Variants in HMGCLL1 observed in about 807,000 individuals in gnomAD.
The protein encoded by HMGCLL1 is 3-hydroxy-3-methylglutaryl-CoA lyase like 1.
A neutral mutation model predicts 39.1 loss-of-function variants in HMGCLL1; 36 were observed. The ratio of observed to expected loss-of-function variants is 0.92; its 90% confidence interval spans 0.71 to 1.22. HMGCLL1 has a LOEUF of 1.22. Ranked by LOEUF, HMGCLL1 falls within the 50% of genes most tolerant of loss-of-function variation. The pLI is 0.00. For missense variants in HMGCLL1, 451 were observed against 416.5 expected (o/e 1.08, Z -0.72); for synonymous variants, 149 against 144.0 (o/e 1.03, Z -0.25).
chr6:55,587,014 A>T, the HMGCLL1 span, among the ~76,000 whole-genome samples: 2 of 152,132 alleles, frequency 1.3e-5, no homozygotes, highest in African/African-American at 4.8e-5. Flanking sequence ...TCCCACCAAC[A>T]GTGTAAAAGT....
intron 7 of HMGCLL1, among the ~76,000 whole-genome samples, chr6:55,451,071 G>C (rs1279383106): frequency 6.6e-6 from 1 of 152,088 alleles, no homozygotes; most frequent in Non-Finnish European, 1.5e-5. Flanking sequence ...AGTCTTCAGT[G>C]TGTGCACAAA....
At chr6:55,604,664 T>A in the HMGCLL1 span, among the ~76,000 whole-genome samples, 1 of 152,104 alleles carries the variant, frequency 6.6e-6, no homozygotes. Flanking sequence ...TTAAAAAGTT[T>A]TTGCATTAAT....
At chr6:55,672,823 G>A in the HMGCLL1 span, among the ~76,000 whole-genome samples, 1 of 151,898 alleles carries the variant, frequency 6.6e-6, no homozygotes, top group Non-Finnish European at 1.5e-5. Flanking sequence ...ACTTCTGCAT[G>A]TGTGAAGTAA....
intron 7 of HMGCLL1, among the ~76,000 whole-genome samples, chr6:55,485,213 T>G (rs995800177): frequency 1.2e-4 from 18 of 152,100 alleles, no homozygotes; most frequent in East Asian, 1.9e-4. Flanking sequence ...CCTCCAAATT[T>G]CCCATCTTCT....
intron 5 of HMGCLL1, among the ~76,000 whole-genome samples, chr6:55,501,770 C>T (rs1766905045): frequency 6.6e-6 from 1 of 151,800 alleles, no homozygotes; most frequent in South Asian, 2.1e-4. Flanking sequence ...TATTATACTG[C>T]CAACATTGAA....
At chr6:55,577,445 T>C (rs1478154538) in intron 1 of HMGCLL1, among the ~76,000 whole-genome samples, 2 of 152,146 alleles carry the variant, frequency 1.3e-5, no homozygotes, top group East Asian at 1.9e-4. Context: ...AGAAGGGCTA[T>C]TATATCTTCA....
At chr6:55,516,150 T>C (rs1767724506) in intron 4 of HMGCLL1, among the ~76,000 whole-genome samples, 1 of 152,008 alleles carries the variant, frequency 6.6e-6, no homozygotes, top group Admixed American at 6.6e-5. Context: ...CAAAAATAAT[T>C]ACCAAATTCA....
At chr6:55,552,103 A>T (rs928752722) in intron 1 of HMGCLL1, among the ~76,000 whole-genome samples, 4 of 152,122 alleles carry the variant, frequency 2.6e-5, no homozygotes, top group South Asian at 2.1e-4. Flanking sequence ...GGGGCATTTT[A>T]AAAAAATGCA....
chr6:55,663,537 G>T, the HMGCLL1 span, among the ~76,000 whole-genome samples: 1 of 151,262 alleles, frequency 6.6e-6, no homozygotes, highest in Admixed American at 6.6e-5. Flanking sequence ...TTATCGCTCT[G>T]TGGTGTTTGG....
At chr6:55,645,353 A>T in the HMGCLL1 span, among the ~76,000 whole-genome samples, 1 of 151,906 alleles carries the variant, frequency 6.6e-6, no homozygotes, top group Non-Finnish European at 1.5e-5. Flanking sequence ...ATTGAGGATA[A>T]TTTGACTTCT....
chr6:55,516,703 T>C (rs1767760294), intron 3 of HMGCLL1, 100 bp from the exon 4 acceptor site: 1 of 634,996 alleles, frequency 1.6e-6, no homozygotes, highest in Admixed American at 2.6e-5. Flanking sequence ...ACAGTTAGAG[T>C]CTTTAAATTA....
In HMGCLL1 at chr6:55,578,820, T is replaced by C. The variant is rs960367670; in HGVS notation, c.108+128A>G. On this transcript the variant is annotated intron_variant, in intron 1 of 8. Transcript: ENST00000274901. ...GGGGTGCGGCCTAACACGACAGAAC[T>C]GCTGCGGGAAGGGTCCTGGGGTGAG... 2.0e-5 allele frequency: 14 copies of C among 690,802 alleles called. No individual in the cohort carries two copies. In the Admixed American group the frequency reaches 2.2e-4, roughly 11 times the overall value. The allele number at this position is 690,802 out of a possible 1,614,324, so 42.8% of individuals were successfully genotyped here.
At chr6:55,569,290 G>T (rs1030818051) in intron 1 of HMGCLL1, among the ~76,000 whole-genome samples, 3 of 152,118 alleles carry the variant, frequency 2.0e-5, no homozygotes, top group African/African-American at 7.2e-5. Flanking sequence ...GAGGAAACAT[G>T]ACCCTTTGAC....
chr6:55,453,664 G>A (rs1391943123), intron 7 of HMGCLL1, among the ~76,000 whole-genome samples: 1 of 152,188 alleles, frequency 6.6e-6, no homozygotes, highest in East Asian at 1.9e-4. Flanking sequence ...AGCAATAATT[G>A]AGATGGATAG....
intron 3 of HMGCLL1, among the ~76,000 whole-genome samples, chr6:55,537,129 AAC>A (rs1458620151): frequency 1.3e-5 from 2 of 152,144 alleles, no homozygotes; most frequent in African/African-American, 2.4e-5. Flanking sequence ...AGTAATATAA[AAC>A]TTCAAAAGAG....
At chr6:55,595,977 G>T in the HMGCLL1 span, among the ~76,000 whole-genome samples, 1 of 152,070 alleles carries the variant, frequency 6.6e-6, no homozygotes, top group African/African-American at 2.4e-5. Context: ...CTTCAACATG[G>T]TATCAAATGT....
intron 5 of HMGCLL1, among the ~76,000 whole-genome samples, chr6:55,503,505 T>G (rs987308279): frequency 6.6e-6 from 1 of 150,496 alleles, no homozygotes; most frequent in South Asian, 2.1e-4. Context: ...CTAGGTGATA[T>G]GTTTTAAAAG....
At chr6:55,650,107 A>ATATATG in the HMGCLL1 span, among the ~76,000 whole-genome samples, 2 of 70,748 alleles carry the variant, frequency 2.8e-5, no homozygotes, top group Non-Finnish European at 5.0e-5. Context: ...ATATATATAT[A>ATATATG]TATATATATA....
intron 7 of HMGCLL1, among the ~76,000 whole-genome samples, chr6:55,470,807 A>G (rs56230938): frequency 0.22 from 33,068 of 151,646 alleles, 4,809 homozygotes; most frequent in African/African-American, 0.42. Flanking sequence ...AGCAAGGCAC[A>G]TCTTATATGG....
Sources: gnomAD v4.1 joint callset for allele counts (sites outside exome capture counted in the v4.1 genomes callset) on GRCh38, gnomAD v4.1.1 for gene constraint, MANE v1.5 for transcripts, NCBI Gene and HGNC (gene_info 2026-07-23, HGNC 2026-07-21) for gene names.